Variants in DSCAM observed in about 807,000 individuals in gnomAD.
The protein encoded by DSCAM is DS cell adhesion molecule.
DSCAM carries 47 observed loss-of-function variants against 217.7 expected under a neutral mutation model. The observed-to-expected ratio is 0.22, with a 90% CI of 0.17 to 0.28. The LOEUF is 0.28. Ranked by LOEUF, DSCAM falls within the 10% of genes least tolerant of loss-of-function variation. The probability of loss-of-function intolerance (pLI) is 1.00; values close to 1 mark genes in which losing one functional copy is unlikely to be tolerated. For synonymous variants in DSCAM, 1,056 were observed against 1,015.3 expected (o/e 1.04, Z -0.76); for missense variants, 2,080 against 2,618.3 (o/e 0.79, Z 4.49).
chr21:40,451,885 C>T (rs2075722561), intron 3 of DSCAM, among the ~76,000 whole-genome samples: 1 of 151,890 alleles, frequency 6.6e-6, no homozygotes, highest in African/African-American at 2.4e-5. Flanking sequence ...CGCAAAAATT[C>T]AAAAAAATTG....
intron 4 of DSCAM, among the ~76,000 whole-genome samples, chr21:40,355,630 T>C (rs1010071686): frequency 6.6e-6 from 1 of 152,194 alleles, no homozygotes; most frequent in Non-Finnish European, 1.5e-5. Flanking sequence ...CATGAAACAA[T>C]ACCCTTGCAT....
chr21:40,339,370 C>T lies in DSCAM; in HGVS notation c.1256G>A (p.Ser419Asn), dbSNP rs2074464122. 6.2e-7 allele frequency: 1 copy of T among 1,612,810 alleles called. No individual in the cohort carries two copies. Among genetic ancestry groups the T allele is most frequent in the Middle Eastern group, 1.7e-4 (1 of 6,058 alleles). Residue 419 changes from serine (S) to asparagine (N), a missense_variant, in exon 7 of 33, where the codon AGT (serine) becomes AAT (asparagine). Physicochemically the swap from Ser to Asn is conservative, Grantham distance 46. Coordinates refer to ENST00000400454, the MANE Select transcript of DSCAM (RefSeq NM_001389.5). Reference sequence around the variant, plus strand: ...CATAAGGGAAACCGGCTCTGCTGGACTCACCACCTTTTCACTAAAGGCAGA... The same window carrying T: ...CATAAGGGAAACCGGCTCTGCTGGATTCACCACCTTTTCACTAAAGGCAGA... ...IISAFSEKVVSPAEPVSLMCN... is the reference protein window; with the variant it reads ...IISAFSEKVVNPAEPVSLMCN...
chr21:40,797,914 A>G (rs2123487188), intron 1 of DSCAM, among the ~76,000 whole-genome samples: 2 of 152,212 alleles, frequency 1.3e-5, no homozygotes, highest in Admixed American at 6.5e-5. Flanking sequence ...AATGGAAACC[A>G]TGTACTAAGA....
At chr21:40,440,743 G>C (rs1311802130) in intron 3 of DSCAM, among the ~76,000 whole-genome samples, 1 of 89,114 alleles carries the variant, frequency 1.1e-5, no homozygotes, top group Non-Finnish European at 2.3e-5. Flanking sequence ...TGTGACATGA[G>C]TCTTGGCTGT....
intron 3 of DSCAM, among the ~76,000 whole-genome samples, chr21:40,669,947 T>TAA (rs35330474): frequency 0.032 from 4,749 of 149,162 alleles, 197 homozygotes; most frequent in African/African-American, 0.098. Flanking sequence ...ATGGCTATAA[T>TAA]AAAAAAAAAA....
intron 15 of DSCAM, among the ~76,000 whole-genome samples, chr21:40,169,958 T>C (rs763723741): frequency 7.9e-5 from 12 of 152,172 alleles, no homozygotes; most frequent in Non-Finnish European, 1.6e-4. Context: ...ATTTAGTTCC[T>C]AAACATTAAT....
intron 18 of DSCAM, among the ~76,000 whole-genome samples, chr21:40,140,046 G>A (rs533130529): frequency 2.0e-5 from 3 of 152,030 alleles, no homozygotes; most frequent in Middle Eastern, 3.4e-3. Context: ...GTGTCGGTCA[G>A]CAGTCACTTC....
At position 40,532,919 on chromosome 21, in the gene DSCAM, C is replaced by T. The variant is rs535294591; in HGVS notation, c.508+159891G>A. ...GTGTGTGTGTGTGTGTGCACACGCACGCGCATGTGCGCATATGTGCTTTTG... is the reference window on the plus strand; with the variant it reads ...GTGTGTGTGTGTGTGTGCACACGCATGCGCATGTGCGCATATGTGCTTTTG... On this transcript the variant is annotated intron_variant, in intron 3 of 32. Transcript: ENST00000400454. Among the ~76,000 whole-genome samples the T allele has an allele frequency of 5.3e-3, 782 of 147,516 alleles. 6 individuals are homozygous for T. Among genetic ancestry groups the T allele is most frequent in the Non-Finnish European group, 8.5e-3 (574 of 67,842 alleles).
intron 3 of DSCAM, among the ~76,000 whole-genome samples, chr21:40,509,342 G>A (rs997887450): frequency 5.9e-5 from 9 of 152,146 alleles, no homozygotes; most frequent in African/African-American, 1.7e-4. Context: ...TTTCCTACTC[G>A]TATATTGATT....
intron 11 of DSCAM, among the ~76,000 whole-genome samples, chr21:40,246,315 A>G (rs962230182): frequency 7.8e-5 from 11 of 141,594 alleles, no homozygotes; most frequent in African/African-American, 2.9e-4. Context: ...TCAAAAGTTC[A>G]AGACCAGCCT....
chr21:40,724,832 G>T (rs1165676934), intron 1 of DSCAM, among the ~76,000 whole-genome samples: 2 of 152,146 alleles, frequency 1.3e-5, no homozygotes, highest in South Asian at 2.1e-4. Flanking sequence ...TCTTTTGCTA[G>T]AACTTCACTA....
intron 3 of DSCAM, among the ~76,000 whole-genome samples, chr21:40,411,160 T>C (rs1041885697): frequency 1.4e-5 from 2 of 138,306 alleles, no homozygotes; most frequent in Admixed American, 1.6e-4. Context: ...TACTTGAAGA[T>C]AGACAGTAAT....
At chr21:40,602,203 G>A (rs1338790489) in intron 3 of DSCAM, among the ~76,000 whole-genome samples, 1 of 151,798 alleles carries the variant, frequency 6.6e-6, no homozygotes, top group Non-Finnish European at 1.5e-5. Context: ...TGGGACTATA[G>A]CCATGTGCCT....
intron 6 of DSCAM, among the ~76,000 whole-genome samples, chr21:40,344,011 C>A (rs1216621547): frequency 6.6e-6 from 1 of 151,996 alleles, no homozygotes; most frequent in Non-Finnish European, 1.5e-5. Context: ...TCAAGCTGTT[C>A]TCCTGCCTCT....
intron 11 of DSCAM, among the ~76,000 whole-genome samples, chr21:40,246,904 C>A (rs988564543): frequency 5.3e-5 from 8 of 152,048 alleles, no homozygotes; most frequent in African/African-American, 1.9e-4. Context: ...TAAAGACATA[C>A]CTGAGGCTGG....
intron 20 of DSCAM, among the ~76,000 whole-genome samples, chr21:40,118,395 G>T (rs1446039003): frequency 6.6e-6 from 1 of 152,132 alleles, no homozygotes; most frequent in African/African-American, 2.4e-5. Context: ...AGAGCAGCCT[G>T]GCCAACATGG....
At chr21:40,573,501 CAT>C (rs552899422) in intron 3 of DSCAM, among the ~76,000 whole-genome samples, 221 of 152,034 alleles carry the variant, frequency 1.5e-3, no homozygotes, top group African/African-American at 5.1e-3. Context: ...GAAAACACAA[CAT>C]ATCAAAATGT....
At chr21:40,603,852 C>T (rs1285572170) in intron 3 of DSCAM, among the ~76,000 whole-genome samples, 1 of 149,172 alleles carries the variant, frequency 6.7e-6, no homozygotes, top group Admixed American at 6.7e-5. Context: ...TGGCTTGTTT[C>T]AATATTGTCT....
At chr21:40,631,940 G>C (rs35178623) in intron 3 of DSCAM, among the ~76,000 whole-genome samples, 11,198 of 152,334 alleles carry the variant, frequency 0.074, 469 homozygotes, top group Middle Eastern at 0.099. Context: ...CTGTCTGCAT[G>C]TTGGTGCTTT....
Sources: gnomAD v4.1 joint callset for allele counts (sites outside exome capture counted in the v4.1 genomes callset) on GRCh38, gnomAD v4.1.1 for gene constraint, MANE v1.5 for transcripts, NCBI Gene and HGNC (gene_info 2026-07-23, HGNC 2026-07-21) for gene names.